AGRN: variants seen among roughly 807,000 people sequenced by gnomAD.
The protein encoded by AGRN is agrin, also known as agrin proteoglycan.
In AGRN, 106 loss-of-function variants were observed where a neutral mutation model predicts 211.0. The observed-to-expected ratio is 0.50, with a 90% CI of 0.43 to 0.59. AGRN has a LOEUF of 0.59. Ranked by LOEUF, AGRN falls within the 20% of genes least tolerant of loss-of-function variation. AGRN has a pLI of 0.00. For synonymous variants in AGRN, 1,525 were observed against 1,332.5 expected, an observed-to-expected ratio of 1.14 and a Z score of -3.15; for missense variants, 3,040 against 2,982.6, an observed-to-expected ratio of 1.02 and a Z score of -0.45.
At position 1,032,507 on chromosome 1, in the gene AGRN, G is replaced by A. The variant is rs1644695098; in HGVS notation, c.464-2770G>A. ...ATGGGGTTGAGGGGCCCAGACACCCGGCTGGGGGACTCCAGGAAGGCAGCA... is the reference window on the plus strand; with the variant it reads ...ATGGGGTTGAGGGGCCCAGACACCCAGCTGGGGGACTCCAGGAAGGCAGCA... On this transcript the variant is annotated intron_variant, in intron 2 of 35. Transcript: ENST00000379370. The surrounding 1 kb of genome is among the most constrained non-coding windows in gnomAD (Gnocchi z 4.7). Among the ~76,000 whole-genome samples, 1 of 152,080 alleles carries A rather than the reference G, an allele frequency of 6.6e-6. No homozygotes were observed. The highest frequency in any genetic ancestry group is 1.5e-5 in the Non-Finnish European group (1 of 68,002).
At position 1,048,550 on chromosome 1, in the gene AGRN, C is replaced by T. The variant is rs1215959463; in HGVS notation, c.4105+185C>T. 3.3e-6 allele frequency: 2 copies of T among 609,330 alleles called. No homozygotes were observed. The highest frequency in any genetic ancestry group is 5.5e-6 in the Non-Finnish European group (2 of 360,380). The allele number at this position is 609,330 out of a possible 1,614,324, so 37.7% of individuals were successfully genotyped here. A position where few individuals can be genotyped will look rare whatever the true frequency, so the allele number is the denominator to read the frequency against. Reference sequence around the variant, plus strand: ...CTTTGGGAGGCCGAGGCAGGCGGATCACCTGAGGTCGGGAGTTCGAGACCA... The same window carrying T: ...CTTTGGGAGGCCGAGGCAGGCGGATTACCTGAGGTCGGGAGTTCGAGACCA... On this transcript the variant is annotated intron_variant, in intron 23 of 35. Transcript: ENST00000379370. The surrounding 1 kb of genome is among the most constrained non-coding windows in gnomAD (Gnocchi z 5.9).
At chr1:1,030,605 G>A (rs1312337081) in intron 2 of AGRN, among the ~76,000 whole-genome samples, 6 of 23,654 alleles carry the variant, frequency 2.5e-4, no homozygotes, top group African/African-American at 3.2e-4. Flanking sequence ...TGAGATCAGC[G>A]TGTGTGTGTG....
chr1:1,050,902 C>A, intron 30 of AGRN, 65 bp downstream of exon 30: 1 of 1,526,644 alleles, frequency 6.6e-7, no homozygotes, highest in Non-Finnish European at 8.8e-7. Context: ...GGCGGCAGCC[C>A]CGCCCCTGCC....
intron 24 of AGRN, 35 bp from the exon 25 acceptor site, chr1:1,049,201 G>A (rs556799309): frequency 1.1e-5 from 17 of 1,511,492 alleles, no homozygotes; most frequent in East Asian, 7.3e-5. Flanking sequence ...GGACGGGGCC[G>A]GGCGATGGTC....
intron 9 of AGRN, 24 bp downstream of exon 9, chr1:1,043,756 C>A: frequency 1.2e-6 from 2 of 1,602,580 alleles, no homozygotes; most frequent in Non-Finnish European, 1.7e-6. Context: ...TGGGGCCGGG[C>A]GGGCCAGGGT....
rs1055324912 is a variant in AGRN at position 1,035,093 on chromosome 1, C to T, written c.464-184C>T. The T allele has an allele frequency of 6.1e-5, 43 of 702,960 alleles. No homozygotes were observed. In the South Asian group the frequency reaches 6.8e-4, roughly 11 times the overall value. The allele number at this position is 702,960 out of a possible 1,614,324, so 43.5% of individuals were successfully genotyped here. ...CTGGAGGGGCAGAGAAAAGCAGGGG[C>T]CTCTGTCTCAGACCTCAGCCAGCCC... On this transcript the variant is annotated intron_variant, in intron 2 of 35. Transcript: ENST00000379370.
Position 1,049,203 on chromosome 1 carries a change from G to T in AGRN, c.4299-33G>T, listed in dbSNP as rs377223831. 6.1e-4 allele frequency: 922 copies of T among 1,517,802 alleles called. 10 individuals are homozygous for T. The East Asian group carries it at 0.016, about 27-fold the overall frequency. The allele number at this position is 1,517,802 out of a possible 1,614,324, so 94.0% of individuals were successfully genotyped here. ...GTAGGCGGGGTGGGGACGGGGCCGG[G>T]CGATGGTCCTGAGCACCTGCTCCTG... On this transcript the variant is annotated intron_variant, in intron 24 of 35. Coordinates refer to ENST00000379370, the MANE Select transcript of AGRN (RefSeq NM_198576.4).
chr1:1,034,832 T>A, intron 2 of AGRN: 1 of 574,168 alleles, frequency 1.7e-6, no homozygotes, highest in South Asian at 4.8e-5. Context: ...TGGGTCACTC[T>A]GCGGACCCCT....
In AGRN at chr1:1,053,938, C is replaced by T. The variant is rs771364268; in HGVS notation, c.5837C>T (p.Pro1946Leu). ...SQPVVLRSTV[P>L]VNTNRWLRVV... ...CCCGTGGTGCTGCGTTCCACCGTGC[C>T]CGTCAACACCAACCGCTGGTTGCGG... The change falls in exon 34 of 36, where the codon CCC (proline) becomes CTC (leucine). Residue 1946 changes from proline (P) to leucine (L), a missense_variant. Physicochemically the swap from Pro to Leu is moderately conservative, Grantham distance 98 (BLOSUM62 -3). This residue lies in a region of AGRN where 1,537 missense variants were observed against 1,505.0 expected (regional missense o/e 1.02). Transcript: ENST00000379370. 8.1e-6 allele frequency: 13 copies of T among 1,604,478 alleles called. No individual in the cohort carries two copies. Among genetic ancestry groups the T allele is most frequent in the Non-Finnish European group, 1.1e-5 (13 of 1,176,440 alleles).
chr1:1,041,120 G>T (rs1644921779), intron 4 of AGRN, 53 bp from the exon 5 acceptor site: 3 of 908,380 alleles, frequency 3.3e-6, no homozygotes, highest in African/African-American at 2.7e-5. Context: ...GCGGGAGCGG[G>T]GCGGGAGCGG....
At chr1:1,030,767 ATGTGTG>A (rs142523522) in intron 2 of AGRN, among the ~76,000 whole-genome samples, 15 of 40,638 alleles carry the variant, frequency 3.7e-4, no homozygotes, top group African/African-American at 6.7e-4. Flanking sequence ...TGAGATCAGC[ATGTGTG>A]TGTGTGTGTG....
At chr1:1,023,108 C>G (rs1445096577) in intron 2 of AGRN, among the ~76,000 whole-genome samples, 1 of 152,150 alleles carries the variant, frequency 6.6e-6, no homozygotes, top group African/African-American at 2.4e-5. Flanking sequence ...TAGGAGGTCC[C>G]TGTCGCCCCC....
At chr1:1,054,681 C>T (rs1377924025) in intron 35 of AGRN, 130 bp downstream of exon 35, 21 of 1,480,514 alleles carry the variant, frequency 1.4e-5, no homozygotes, top group South Asian at 1.3e-4. Flanking sequence ...TCTCTTCTCC[C>T]GCTGTAGCCC....
intron 33 of AGRN, chr1:1,053,256 G>A (rs1443363846): frequency 8.5e-6 from 3 of 352,042 alleles, no homozygotes; most frequent in African/African-American, 7.1e-5. Flanking sequence ...GTCTGCACGT[G>A]GGTGTCTGCA....
intron 2 of AGRN, chr1:1,034,173 C>T (rs1644744275): frequency 1.0e-6 from 1 of 985,372 alleles, no homozygotes; most frequent in Non-Finnish European, 1.2e-6. Flanking sequence ...CGCCCGGCCC[C>T]CGCGCACCTG....
At chr1:1,051,072 T>C in intron 30 of AGRN, 181 bp from the exon 31 acceptor site, 1 of 1,547,774 alleles carries the variant, frequency 6.5e-7, no homozygotes, top group East Asian at 2.5e-5. Context: ...CCGCTCACCG[T>C]CTCTGGCGCC....
Position 1,049,281 on chromosome 1 carries a change from G to T in AGRN, c.4344G>T (p.Pro1448=), listed in dbSNP as rs1321979292. 2 of 1,595,908 alleles carry T rather than the reference G, an allele frequency of 1.3e-6. No individual in the cohort carries two copies. The highest frequency in any genetic ancestry group is 1.3e-5 in the African/African-American group (1 of 74,782). Residue 1448 remains proline, a synonymous_variant, in exon 25 of 36, where the codon CCG becomes CCT. Transcript: ENST00000379370. Reference sequence around the variant, plus strand: ...CGGCGGTGCTGACCAGTGCCGTGCCGGTAGAGCCGGGCCAGTGGCACCGCC... The same window carrying T: ...CGGCGGTGCTGACCAGTGCCGTGCCTGTAGAGCCGGGCCAGTGGCACCGCC... ...SGPAVLTSAV[P]VEPGQWHRLE...
intron 2 of AGRN, among the ~76,000 whole-genome samples, chr1:1,030,162 C>T (rs1570156011): frequency 2.8e-5 from 1 of 35,750 alleles, no homozygotes; most frequent in South Asian, 1.5e-3. Context: ...TGTGTGTGTG[C>T]AGTGCATGGT....
intron 33 of AGRN, chr1:1,053,223 G>A (rs1645359917): frequency 1.3e-5 from 4 of 310,032 alleles, no homozygotes; most frequent in South Asian, 1.0e-4. Flanking sequence ...GCATGTGGGT[G>A]TCTGTGCCCT....
Sources: gnomAD v4.1 joint callset for allele counts (sites outside exome capture counted in the v4.1 genomes callset) on GRCh38, gnomAD v4.1.1 for gene constraint, gnomAD v4.1.1 regional missense constraint, Gnocchi (gnomAD v3.1) non-coding constraint, MANE v1.5 for transcripts, NCBI Gene and HGNC (gene_info 2026-07-23, HGNC 2026-07-21) for gene names.